EFCAB9: variants seen among roughly 807,000 people sequenced by gnomAD.
EFCAB9 encodes EF-hand calcium-binding domain-containing protein 9.
Under a neutral mutation model 15.6 loss-of-function variants are expected in EFCAB9, and 16 were observed. That is an observed-to-expected ratio of 1.03 (90% CI 0.69 to 1.56). The LOEUF (loss-of-function observed/expected upper bound fraction) is 1.56, where lower values mean the gene tolerates loss of function less well. EFCAB9 is among the 40% of genes most tolerant of loss of function. The probability of loss-of-function intolerance (pLI) is 0.00; values close to 1 mark genes in which losing one functional copy is unlikely to be tolerated. For missense variants in EFCAB9, 208 were observed against 235.4 expected (o/e 0.88, Z 0.76); for synonymous variants, 76 against 85.4 (o/e 0.89, Z 0.61).
chr5:172,197,826 G>A (rs938362205), intron 1 of EFCAB9, among the ~76,000 whole-genome samples: 24 of 152,164 alleles, frequency 1.6e-4, no homozygotes, highest in African/African-American at 5.8e-4. Context: ...GCTGCTGCCT[G>A]GGGTGGCCAG....
At chr5:172,194,778 C>T (rs1051778583) in intron 1 of EFCAB9, among the ~76,000 whole-genome samples, 2 of 152,034 alleles carry the variant, frequency 1.3e-5, no homozygotes, top group South Asian at 2.1e-4. Flanking sequence ...ACAGTTCAGC[C>T]GGGAGGAGAA....
chr5:172,200,415 G>A (rs1771237365), intron 2 of EFCAB9, 151 bp from the exon 3 acceptor site: 20 of 722,906 alleles, frequency 2.8e-5, no homozygotes, highest in Non-Finnish European at 3.8e-5. Context: ...TGCATTTGCT[G>A]ATAGAACCCT....
At chr5:172,194,940 TAATG>T (rs1386166176) in intron 1 of EFCAB9, among the ~76,000 whole-genome samples, 1 of 151,440 alleles carries the variant, frequency 6.6e-6, no homozygotes, top group African/African-American at 2.4e-5. Context: ...AAAAAAAAGA[TAATG>T]AGAGTATGGC....
rs200955663 is a variant in EFCAB9, at chr5:172,199,545, C to T, written c.285+14C>T. 150 of 1,536,394 alleles carry T rather than the reference C, an allele frequency of 9.8e-5. No individual in the cohort carries two copies. The highest frequency in any genetic ancestry group is 8.2e-5 in the African/African-American group (6 of 73,008). On this transcript the variant is annotated intron_variant, in intron 2 of 3. Coordinates refer to ENST00000398186, the MANE Select transcript of EFCAB9 (RefSeq NM_001171183.2). ...CTGGCCCACCAGGCAAGTAGCCGCG[C>T]GGCTGCTGCCATCCTCTTGCTAATG...
At position 172,200,625 on chromosome 5, in the gene EFCAB9, C is replaced by A. The variant is rs201907450; in HGVS notation, c.345C>A (p.Asp115Glu). 235 of 1,537,180 alleles carry A rather than the reference C, an allele frequency of 1.5e-4. No individual in the cohort carries two copies. Among genetic ancestry groups the A allele is most frequent in the Non-Finnish European group, 1.8e-4 (209 of 1,146,904 alleles). Residue 115 changes from aspartate to glutamate, a missense_variant, in exon 3 of 4, where the codon GAC becomes GAA. By Grantham distance (45) the Asp-to-Glu change is conservative. Coordinates refer to ENST00000398186, the MANE Select transcript of EFCAB9 (RefSeq NM_001171183.2). ...RHSRPVFDLL[D>E]LKGDLRIGAK... Reference sequence around the variant, plus strand: ...CCCGGCCTGTCTTTGACCTGCTTGACCTGAAAGGGGATCTGAGAATTGGTG... The same window carrying A: ...CCCGGCCTGTCTTTGACCTGCTTGAACTGAAAGGGGATCTGAGAATTGGTG...
intron 1 of EFCAB9, among the ~76,000 whole-genome samples, chr5:172,198,836 A>T (rs955015806): frequency 1.3e-5 from 2 of 152,278 alleles, no homozygotes; most frequent in South Asian, 2.1e-4. Context: ...GGCTGGTCTC[A>T]AACTCCTGAC....
chr5:172,195,941 C>T (rs1002560970), intron 1 of EFCAB9, among the ~76,000 whole-genome samples: 8 of 152,030 alleles, frequency 5.3e-5, no homozygotes, highest in Admixed American at 6.6e-5. Context: ...GTAGCTGGGA[C>T]TACAGCTGTG....
At chr5:172,199,770 C>A (rs1334651857) in intron 2 of EFCAB9, among the ~76,000 whole-genome samples, 2 of 152,178 alleles carry the variant, frequency 1.3e-5, no homozygotes, top group East Asian at 3.9e-4. Flanking sequence ...CCCATCGCAT[C>A]CCTTCTTGGC....
intron 1 of EFCAB9, among the ~76,000 whole-genome samples, chr5:172,195,208 A>T: frequency 6.6e-6 from 1 of 151,396 alleles, no homozygotes; most frequent in East Asian, 1.9e-4. Context: ...ATAAATAAAT[A>T]TAAAAGCTGC....
intron 2 of EFCAB9, among the ~76,000 whole-genome samples, chr5:172,200,359 C>G (rs1162537554): frequency 6.6e-6 from 1 of 152,178 alleles, no homozygotes; most frequent in Non-Finnish European, 1.5e-5. Context: ...TTACAAGAGG[C>G]AGAATTCAAG....
In EFCAB9 at chr5:172,194,302, T is replaced by C; in HGVS notation, c.130T>C (p.Leu44=). The change falls in exon 1 of 4, where the codon TTG becomes CTG. Residue 44 remains leucine, a synonymous_variant. Coordinates refer to ENST00000398186, the MANE Select transcript of EFCAB9 (RefSeq NM_001171183.2). ...TCTGGACGTGCACGGCAAGAACACC[T>C]TGAATGGTCAGTACTTTCAGACATG... ...HILDVHGKNT[L]NDVLFYHFLH... The C allele has an allele frequency of 6.5e-7, 1 of 1,537,936 alleles. No homozygotes were observed. The highest frequency in any genetic ancestry group is 8.7e-7 in the Non-Finnish European group (1 of 1,147,052).
chr5:172,202,363 A>G (rs1451910287), intron 3 of EFCAB9, among the ~76,000 whole-genome samples: 1 of 150,302 alleles, frequency 6.7e-6, no homozygotes, highest in East Asian at 1.9e-4. Flanking sequence ...AAAAGAAAGT[A>G]ATGGCAAAAG....
At chr5:172,197,389 G>A (rs914735846) in intron 1 of EFCAB9, among the ~76,000 whole-genome samples, 2 of 152,172 alleles carry the variant, frequency 1.3e-5, no homozygotes, top group African/African-American at 4.8e-5. Flanking sequence ...TTACAGGCAT[G>A]AGCCACCGCG....
chr5:172,196,715 CAGTG>C (rs1399561964), intron 1 of EFCAB9, among the ~76,000 whole-genome samples: 12 of 152,124 alleles, frequency 7.9e-5, no homozygotes, highest in Non-Finnish European at 1.5e-4. Flanking sequence ...TTTCTGTCAT[CAGTG>C]AGTAAGGGGA....
At position 172,200,748 on chromosome 5, in the gene EFCAB9, T is replaced by C. The variant is rs559270773; in HGVS notation, c.462+6T>C. 10 of 1,533,834 alleles carry C rather than the reference T, an allele frequency of 6.5e-6. No individual in the cohort carries two copies. The East Asian group carries it at 2.4e-4, about 38-fold the overall frequency. On this transcript the variant is annotated splice_donor_region_variant and intron_variant, in intron 3 of 3. Coordinates refer to ENST00000398186, the MANE Select transcript of EFCAB9 (RefSeq NM_001171183.2). ...TTGACATTACAGGTGACAATGTAAG[T>C]ACAGATCCAAAATGTGGCATGTGTG...
intron 3 of EFCAB9, among the ~76,000 whole-genome samples, chr5:172,202,332 C>CAAAAAAAAAAA (rs10690291): frequency 2.7e-5 from 2 of 73,354 alleles, no homozygotes; most frequent in African/African-American, 7.1e-5. Context: ...GACTTCATCT[C>CAAAAAAAAAAA]AAAAAAAAAA....
At position 172,194,658 on chromosome 5, in the gene EFCAB9, C is replaced by G. The variant is rs528406283; in HGVS notation, c.136+350C>G. On this transcript the variant is annotated intron_variant, in intron 1 of 3. Coordinates refer to ENST00000398186, the MANE Select transcript of EFCAB9 (RefSeq NM_001171183.2). ...AGGTGATCCACCCGCCTCCGCCTCCCTAAGTACTGGGATTACAAGTGTGAG... is the reference window on the plus strand; with the variant it reads ...AGGTGATCCACCCGCCTCCGCCTCCGTAAGTACTGGGATTACAAGTGTGAG... Among the ~76,000 whole-genome samples, 198 of 152,256 alleles carry G rather than the reference C, an allele frequency of 1.3e-3. 1 individual carries two copies. The highest frequency in any genetic ancestry group is 4.6e-3 in the African/African-American group (191 of 41,562).
At chr5:172,198,786 T>C (rs1463779020) in intron 1 of EFCAB9, among the ~76,000 whole-genome samples, 2 of 152,168 alleles carry the variant, frequency 1.3e-5, no homozygotes, top group Non-Finnish European at 2.9e-5. Context: ...TGGCTAATTT[T>C]TGTATTTTTA....
chr5:172,198,514 C>T (rs560252764), intron 1 of EFCAB9, among the ~76,000 whole-genome samples: 1 of 152,272 alleles, frequency 6.6e-6, no homozygotes, highest in South Asian at 2.1e-4. Flanking sequence ...GTGCCTAACA[C>T]ATAAGGTGGT....
Sources: gnomAD v4.1 joint callset for allele counts (sites outside exome capture counted in the v4.1 genomes callset) on GRCh38, gnomAD v4.1.1 for gene constraint, MANE v1.5 for transcripts, NCBI Gene and HGNC (gene_info 2026-07-23, HGNC 2026-07-21) for gene names.